The following CNTN5 variants were observed in gnomAD, a reference collection of about 807,000 sequenced individuals.
The protein encoded by CNTN5 is contactin-5.
In CNTN5, 77 loss-of-function variants were observed where a neutral mutation model predicts 129.1. That is an observed-to-expected ratio of 0.60 (90% CI 0.50 to 0.72). CNTN5 has a LOEUF of 0.72. Ranked by LOEUF, CNTN5 falls within the 30% of genes least tolerant of loss-of-function variation. The pLI is 0.00. For synonymous variants in CNTN5, 509 were observed against 465.6 expected (o/e 1.09, Z -1.20); for missense variants, 1,478 against 1,328.8 (o/e 1.11, Z -1.75).
chr11:99,054,078 A>T (rs1387007727), intron 1 of CNTN5, among the ~76,000 whole-genome samples: 1 of 151,980 alleles, frequency 6.6e-6, no homozygotes, highest in Non-Finnish European at 1.5e-5. Context: ...AAATATTTGG[A>T]TATTAATATA....
chr11:100,356,662 T>A lies in CNTN5; in HGVS notation c.*442T>A, dbSNP rs1171045232. 1 of 157,092 alleles carries A rather than the reference T, an allele frequency of 6.4e-6. No homozygotes were observed. The allele number at this position is 157,092 out of a possible 1,614,324, so 9.7% of individuals were successfully genotyped here. ...AAGACTAAGTCCAGTGTTTTTCATT[T>A]TCCCTTTGGCTGAATATTTCAATTG... On this transcript the variant is annotated 3_prime_UTR_variant, in exon 25 of 25. Transcript: ENST00000524871.
At chr11:99,218,319 G>T (rs1591373498) in intron 1 of CNTN5, among the ~76,000 whole-genome samples, 1 of 151,820 alleles carries the variant, frequency 6.6e-6, no homozygotes, top group East Asian at 1.9e-4. Flanking sequence ...AGTTACTTTT[G>T]AGCCAAGTTC....
intron 1 of CNTN5, among the ~76,000 whole-genome samples, chr11:99,249,478 G>T (rs1433912451): frequency 6.6e-6 from 1 of 151,908 alleles, no homozygotes; most frequent in Non-Finnish European, 1.5e-5. Flanking sequence ...TGTGACCATT[G>T]AACAAATTAA....
At chr11:99,426,365 A>G (rs1231355595) in intron 2 of CNTN5, among the ~76,000 whole-genome samples, 2 of 152,226 alleles carry the variant, frequency 1.3e-5, no homozygotes, top group African/African-American at 4.8e-5. Flanking sequence ...AAAAAGGGCA[A>G]AAACTCTGAC....
At chr11:99,920,910 T>A (rs566502141) in intron 7 of CNTN5, among the ~76,000 whole-genome samples, 49 of 152,034 alleles carry the variant, frequency 3.2e-4, no homozygotes, top group African/African-American at 1.2e-3. Context: ...GAGATGGGGC[T>A]TTTTTTTAGT....
At chr11:99,208,347 C>G (rs1366284506) in intron 1 of CNTN5, among the ~76,000 whole-genome samples, 1 of 152,022 alleles carries the variant, frequency 6.6e-6, no homozygotes, top group Non-Finnish European at 1.5e-5. Context: ...TTTATCTAGG[C>G]AAACCTTAAT....
At chr11:100,222,338 A>G (rs942585408) in intron 15 of CNTN5, among the ~76,000 whole-genome samples, 1 of 152,170 alleles carries the variant, frequency 6.6e-6, no homozygotes, top group Admixed American at 6.5e-5. Flanking sequence ...CATAGAAAAG[A>G]TAATCTATAT....
chr11:99,464,285 G>A (rs1179674132), intron 2 of CNTN5, among the ~76,000 whole-genome samples: 3 of 152,148 alleles, frequency 2.0e-5, no homozygotes, highest in African/African-American at 7.2e-5. Flanking sequence ...GTTCCATCCA[G>A]GGGAATTGGG....
At chr11:99,822,282 C>A (rs1591257109) in intron 4 of CNTN5, among the ~76,000 whole-genome samples, 1 of 152,240 alleles carries the variant, frequency 6.6e-6, no homozygotes, top group African/African-American at 2.4e-5. Flanking sequence ...AGAAACCTTC[C>A]CATACAAGTA....
chr11:100,245,438 A>G (rs1415487445), intron 16 of CNTN5, among the ~76,000 whole-genome samples: 26 of 151,986 alleles, frequency 1.7e-4, no homozygotes, highest in Admixed American at 1.7e-3. Flanking sequence ...TCCTGAACCA[A>G]TCCTTAGCAG....
chr11:99,394,852 T>C (rs1456474871), intron 2 of CNTN5, among the ~76,000 whole-genome samples: 1 of 151,876 alleles, frequency 6.6e-6, no homozygotes, highest in East Asian at 1.9e-4. Context: ...GCTCCATCCA[T>C]GTCCCTACAA....
chr11:99,287,099 A>G (rs2135907869), intron 1 of CNTN5, among the ~76,000 whole-genome samples: 1 of 152,286 alleles, frequency 6.6e-6, no homozygotes, highest in African/African-American at 2.4e-5. Flanking sequence ...TGTCATGTGG[A>G]AAAGACAGCA....
At chr11:100,051,680 A>G (rs1215720543) in intron 9 of CNTN5, among the ~76,000 whole-genome samples, 1 of 151,862 alleles carries the variant, frequency 6.6e-6, no homozygotes, top group Non-Finnish European at 1.5e-5. Flanking sequence ...CTCAAATCTC[A>G]TTTTTAGAAA....
At chr11:99,115,213 A>G (rs1024324935) in intron 1 of CNTN5, among the ~76,000 whole-genome samples, 1 of 152,194 alleles carries the variant, frequency 6.6e-6, no homozygotes, top group South Asian at 2.1e-4. Context: ...GACCGGGGCT[A>G]GGTTCTGGCT....
intron 9 of CNTN5, among the ~76,000 whole-genome samples, chr11:100,021,172 C>T (rs1412926839): frequency 6.6e-6 from 1 of 152,030 alleles, no homozygotes; most frequent in Non-Finnish European, 1.5e-5. Flanking sequence ...ACATTATGGT[C>T]AAATAACACA....
chr11:99,925,693 A>T (rs1181397645), intron 7 of CNTN5, among the ~76,000 whole-genome samples: 1 of 152,074 alleles, frequency 6.6e-6, no homozygotes, highest in Non-Finnish European at 1.5e-5. Context: ...AGAAAGAAAC[A>T]AAAGAGATAA....
chr11:100,182,851 G>GGTA (rs1948178650), intron 13 of CNTN5, among the ~76,000 whole-genome samples: 1 of 151,750 alleles, frequency 6.6e-6, no homozygotes, highest in Non-Finnish European at 1.5e-5. Flanking sequence ...GCCACAGACT[G>GGTA]GTAGAAAATA....
At chr11:99,566,029 G>A (rs1443445697) in intron 3 of CNTN5, among the ~76,000 whole-genome samples, 1 of 152,176 alleles carries the variant, frequency 6.6e-6, no homozygotes, top group Non-Finnish European at 1.5e-5. Flanking sequence ...TTGCTAGCAT[G>A]CTGAAAGAGT....
At chr11:99,744,811 CTT>C (rs1308390384) in intron 3 of CNTN5, among the ~76,000 whole-genome samples, 2 of 151,794 alleles carry the variant, frequency 1.3e-5, no homozygotes, top group Non-Finnish European at 1.5e-5. Context: ...GACTGCGACT[CTT>C]TAAGCACAGA....
Sources: gnomAD v4.1 joint callset for allele counts (sites outside exome capture counted in the v4.1 genomes callset) on GRCh38, gnomAD v4.1.1 for gene constraint, MANE v1.5 for transcripts, NCBI Gene and HGNC (gene_info 2026-07-23, HGNC 2026-07-21) for gene names.